CDH20: variants seen among roughly 807,000 people sequenced by gnomAD.
The protein encoded by CDH20 is cadherin 20.
Under a neutral mutation model 74.2 loss-of-function variants are expected in CDH20, and 29 were observed. The observed-to-expected ratio is 0.39, with a 90% CI of 0.29 to 0.53. The LOEUF is 0.53. Ranked by LOEUF, CDH20 falls within the 20% of genes least tolerant of loss-of-function variation. The pLI, the probability that CDH20 is intolerant of heterozygous loss-of-function variation, is 0.69. For synonymous variants in CDH20, 469 were observed against 405.4 expected (o/e 1.16, Z -1.88); for missense variants, 988 against 1,048.3 (o/e 0.94, Z 0.79).
At chr18:61,461,010 T>C (rs554126676) in intron 1 of CDH20, among the ~76,000 whole-genome samples, 2 of 152,300 alleles carry the variant, frequency 1.3e-5, no homozygotes, top group East Asian at 1.9e-4. Flanking sequence ...TATTTTCTGT[T>C]CACTAACGGT....
intron 1 of CDH20, among the ~76,000 whole-genome samples, chr18:61,410,836 C>G (rs965092625): frequency 2.6e-5 from 4 of 152,116 alleles, no homozygotes; most frequent in Admixed American, 6.5e-5. Flanking sequence ...AGGAGATGGC[C>G]TTTCTCAGCA....
At chr18:61,483,353 G>C (rs1910654203) in intron 1 of CDH20, among the ~76,000 whole-genome samples, 1 of 152,150 alleles carries the variant, frequency 6.6e-6, no homozygotes, top group Non-Finnish European at 1.5e-5. Context: ...GAGGCTTTGA[G>C]GCATTGAGAG....
rs1913594900 is a variant in CDH20, at chr18:61,555,312, T to C, written c.*617T>C. ...GGGAGGGTGGGTGAAGGAAGAGACA[T>C]TGACTTTATGCTCAAGTTTAGTGGC... On this transcript the variant is annotated 3_prime_UTR_variant, in exon 12 of 12. Coordinates refer to ENST00000262717, the MANE Select transcript of CDH20 (RefSeq NM_031891.4). 1.0e-6 allele frequency: 1 copy of C among 985,424 alleles called. No homozygotes were observed. Among genetic ancestry groups the C allele is most frequent in the African/African-American group, 1.7e-5 (1 of 57,306 alleles). The allele number at this position is 985,424 out of a possible 1,614,324, so 61.0% of individuals were successfully genotyped here. A position where few individuals can be genotyped will look rare whatever the true frequency, so the allele number is the denominator to read the frequency against.
At chr18:61,358,310 C>T (rs1265602311) in intron 1 of CDH20, among the ~76,000 whole-genome samples, 12 of 151,524 alleles carry the variant, frequency 7.9e-5, no homozygotes, top group Admixed American at 3.9e-4. Flanking sequence ...TTAGTAGAGA[C>T]GGTGTTTCAC....
chr18:61,481,556 A>C, intron 1 of CDH20, among the ~76,000 whole-genome samples: 1 of 152,210 alleles, frequency 6.6e-6, no homozygotes, highest in East Asian at 1.9e-4. Flanking sequence ...AAGATACATA[A>C]TAAACATCAG....
chr18:61,369,644 G>A (rs1395665227), intron 1 of CDH20, among the ~76,000 whole-genome samples: 3 of 152,060 alleles, frequency 2.0e-5, no homozygotes, highest in African/African-American at 7.2e-5. Flanking sequence ...ATTCACAATA[G>A]GAAAGACATG....
intron 1 of CDH20, among the ~76,000 whole-genome samples, chr18:61,347,185 A>G (rs1280347285): frequency 7.0e-6 from 1 of 143,316 alleles, no homozygotes; most frequent in African/African-American, 2.5e-5. Flanking sequence ...TCAGTGGTTC[A>G]TGCCTGTGAT....
At chr18:61,361,788 A>G (rs1910701769) in intron 1 of CDH20, among the ~76,000 whole-genome samples, 1 of 152,116 alleles carries the variant, frequency 6.6e-6, no homozygotes, top group African/African-American at 2.4e-5. Flanking sequence ...ATTTTATTGT[A>G]TTTTATAAAA....
At chr18:61,485,849 G>A (rs190227571) in intron 1 of CDH20, among the ~76,000 whole-genome samples, 3,799 of 152,190 alleles carry the variant, frequency 0.025, 175 homozygotes, top group East Asian at 0.12. Flanking sequence ...CGAGGTGGGC[G>A]GATCACGAGG....
intron 9 of CDH20, among the ~76,000 whole-genome samples, chr18:61,542,547 GA>G (rs1439326315): frequency 3.9e-5 from 6 of 152,222 alleles, no homozygotes; most frequent in Admixed American, 3.3e-4. Flanking sequence ...GTTGAGATGG[GA>G]TAGCCAGACC....
At position 61,493,712 on chromosome 18, in the gene CDH20, T is replaced by C. The variant is rs183124596; in HGVS notation, c.246+2913T>C. Among the ~76,000 whole-genome samples, 771 of 152,376 alleles carry C rather than the reference T, an allele frequency of 5.1e-3. 30 individuals carry two copies. The highest frequency in any genetic ancestry group is 0.046 in the Admixed American group (708 of 15,302). ...AGACAATTCTATCATGAACATATCTTGTATCTACTCAGAATTCCAAAGACT... is the reference window on the plus strand; with the variant it reads ...AGACAATTCTATCATGAACATATCTCGTATCTACTCAGAATTCCAAAGACT... On this transcript the variant is annotated intron_variant, in intron 2 of 11. Coordinates refer to ENST00000262717, the MANE Select transcript of CDH20 (RefSeq NM_031891.4).
intron 1 of CDH20, among the ~76,000 whole-genome samples, chr18:61,411,553 T>C (rs577407188): frequency 6.8e-6 from 1 of 147,614 alleles, no homozygotes; most frequent in African/African-American, 2.5e-5. Context: ...ATGTGATATG[T>C]ATGTGTATAT....
intron 1 of CDH20, among the ~76,000 whole-genome samples, chr18:61,461,707 A>C (rs896922080): frequency 2.6e-5 from 4 of 151,908 alleles, no homozygotes; most frequent in African/African-American, 9.7e-5. Flanking sequence ...ATGAAAGTAC[A>C]CTCCACAGGG....
chr18:61,438,286 T>G (rs1348087672), intron 1 of CDH20, among the ~76,000 whole-genome samples: 1 of 152,146 alleles, frequency 6.6e-6, no homozygotes, highest in Admixed American at 6.6e-5. Flanking sequence ...TCTGGCATCA[T>G]GTGTGCTTGG....
intron 1 of CDH20, among the ~76,000 whole-genome samples, chr18:61,472,556 AAAGT>A (rs1910220560): frequency 6.6e-6 from 1 of 152,232 alleles, no homozygotes; most frequent in Non-Finnish European, 1.5e-5. Context: ...TGAAAGGAGA[AAAGT>A]AAGTTATAAA....
At chr18:61,501,503 T>C (rs1455638459) in intron 4 of CDH20, among the ~76,000 whole-genome samples, 2 of 152,094 alleles carry the variant, frequency 1.3e-5, no homozygotes, top group Admixed American at 1.3e-4. Context: ...CTAGGAGTAA[T>C]TAACAAGGAA....
chr18:61,554,252 G>A lies in CDH20; in HGVS notation c.1963G>A (p.Glu655Lys), dbSNP rs914343975. Residue 655 changes from glutamate (E) to lysine (K), a missense_variant, in exon 12 of 12, where the codon GAG becomes AAG. Glu to Lys is a moderately conservative substitution (Grantham distance 56, BLOSUM62 1). Around this residue, in one of 2 missense-constraint regions of CDH20, gnomAD observed 375 missense variants for 293.1 expected, o/e 1.28. Transcript: ENST00000262717. ...HRKQPYIIDD[E>K]ENIHENIVRY... ...GAAACAACCATACATCATCGACGAC[G>A]AGGAAAACATCCACGAGAACATCGT... The A allele has an allele frequency of 1.9e-6, 3 of 1,613,916 alleles. No homozygotes were observed. Among genetic ancestry groups the A allele is most frequent in the South Asian group, 2.2e-5 (2 of 91,084 alleles).
chr18:61,524,368 C>T (rs928120066), intron 6 of CDH20, among the ~76,000 whole-genome samples: 3 of 152,044 alleles, frequency 2.0e-5, no homozygotes, highest in African/African-American at 7.3e-5. Flanking sequence ...ACTGGTACTG[C>T]CTTTCTGAAA....
intron 1 of CDH20, among the ~76,000 whole-genome samples, chr18:61,476,092 C>T (rs1445751031): frequency 1.3e-5 from 2 of 152,056 alleles, no homozygotes; most frequent in East Asian, 1.9e-4. Flanking sequence ...TATCTCCCAC[C>T]CCGCAGGCTC....
Sources: gnomAD v4.1 joint callset for allele counts (sites outside exome capture counted in the v4.1 genomes callset) on GRCh38, gnomAD v4.1.1 for gene constraint, gnomAD v4.1.1 regional missense constraint, MANE v1.5 for transcripts, NCBI Gene and HGNC (gene_info 2026-07-23, HGNC 2026-07-21) for gene names.